TMEM131L: variants seen among roughly 807,000 people sequenced by gnomAD.
TMEM131L encodes transmembrane 131 like.
Under a neutral mutation model 192.2 loss-of-function variants are expected in TMEM131L, and 54 were observed. The ratio of observed to expected loss-of-function variants is 0.28; its 90% CI spans 0.23 to 0.35. The LOEUF (loss-of-function observed/expected upper bound fraction) is 0.35, where lower values mean the gene tolerates loss of function less well. Ranked by LOEUF, TMEM131L falls within the 10% of genes least tolerant of loss-of-function variation. TMEM131L has a pLI of 1.00. For missense variants in TMEM131L, 1,888 were observed against 1,972.9 expected, an observed-to-expected ratio of 0.96 and a Z score of 0.82; for synonymous variants, 701 against 704.9, an observed-to-expected ratio of 0.99 and a Z score of 0.09.
At chr4:153,525,892 CTG>C (rs1471613880) in intron 3 of TMEM131L, among the ~76,000 whole-genome samples, 1 of 151,688 alleles carries the variant, frequency 6.6e-6, no homozygotes, top group Non-Finnish European at 1.5e-5. Flanking sequence ...GAGTCTCGCT[CTG>C]TCGCCAGGCT....
intron 3 of TMEM131L, among the ~76,000 whole-genome samples, chr4:153,538,157 G>A (rs942845526): frequency 1.3e-5 from 2 of 152,224 alleles, no homozygotes; most frequent in Non-Finnish European, 2.9e-5. Context: ...GTAAATGGCA[G>A]TGGTTCTTAT....
In TMEM131L at chr4:153,636,387, T is replaced by G. The variant is rs760320148; in HGVS notation, c.4644T>G (p.Asn1548Lys). Residue 1548 changes from asparagine to lysine, a missense_variant, in exon 35 of 35, where the codon AAT becomes AAG. Coordinates refer to ENST00000409959, the MANE Select transcript of TMEM131L (RefSeq NM_001131007.2). The part of the protein sequence containing the change: ...IWAPQSDVYE[N>K]CCPINPTTEH... ...CCCCGCAAAGCGATGTGTATGAAAA[T>G]TGCTGCCCCATCAACCCCACCACGG... The G allele has an allele frequency of 5.0e-6, 8 of 1,614,126 alleles. No individual in the cohort carries two copies. Among genetic ancestry groups the G allele is most frequent in the African/African-American group, 4.0e-5 (3 of 75,022 alleles).
intron 17 of TMEM131L, among the ~76,000 whole-genome samples, chr4:153,591,839 G>A (rs1731089941): frequency 6.6e-6 from 1 of 152,108 alleles, no homozygotes; most frequent in Non-Finnish European, 1.5e-5. Flanking sequence ...TTCAAGAGTA[G>A]TATATCAGGA....
At position 153,598,597 on chromosome 4, in the gene TMEM131L, T is replaced by C; in HGVS notation, c.2131T>C (p.Leu711=). Residue 711 remains leucine (L), a synonymous_variant, in exon 21 of 35, where the codon TTG becomes CTG. Transcript: ENST00000409959. ...TATTTCCTTTCACTACAGGAATAAC[T>C]TGACTGTTATTGACATGATTGGCGT... ...VTSLILIRNN[L]TVIDMIGVEG... is the part of the protein sequence containing the mutation. 1 of 1,613,306 alleles carries C rather than the reference T, an allele frequency of 6.2e-7. No homozygotes were observed. Among genetic ancestry groups the C allele is most frequent in the Non-Finnish European group, 8.5e-7 (1 of 1,179,300 alleles).
intron 7 of TMEM131L, among the ~76,000 whole-genome samples, chr4:153,579,170 G>C (rs1730167328): frequency 1.3e-5 from 2 of 151,866 alleles, no homozygotes; most frequent in Admixed American, 1.3e-4. Context: ...AAACCAGCCT[G>C]GGAAATATGG....
intron 7 of TMEM131L, among the ~76,000 whole-genome samples, chr4:153,559,478 T>C (rs1728706181): frequency 6.6e-6 from 1 of 151,998 alleles, no homozygotes; most frequent in East Asian, 1.9e-4. Flanking sequence ...GATCTAAATA[T>C]TGGAATAGAG....
intron 3 of TMEM131L, among the ~76,000 whole-genome samples, chr4:153,520,832 C>T (rs939429600): frequency 1.2e-4 from 19 of 152,154 alleles, no homozygotes; most frequent in African/African-American, 3.1e-4. Flanking sequence ...TAAAGTACGT[C>T]GTGTTTAGAA....
intron 25 of TMEM131L, among the ~76,000 whole-genome samples, chr4:153,607,720 TC>T (rs917288440): frequency 1.2e-4 from 19 of 152,228 alleles, no homozygotes; most frequent in African/African-American, 4.6e-4. Context: ...TTCTGAGGCT[TC>T]CCCCCACCCC....
At chr4:153,473,426 G>A (rs1278949627) in intron 2 of TMEM131L, among the ~76,000 whole-genome samples, 2 of 152,200 alleles carry the variant, frequency 1.3e-5, no homozygotes, top group Non-Finnish European at 2.9e-5. Flanking sequence ...GGTAGGAACT[G>A]GGTTTCCCGT....
intron 34 of TMEM131L, 70 bp downstream of exon 34, chr4:153,635,641 C>T: frequency 1.3e-6 from 2 of 1,556,908 alleles, no homozygotes; most frequent in South Asian, 2.3e-5. Flanking sequence ...TTCCTTAATC[C>T]TGGTCTCAGC....
At chr4:153,524,541 T>TATA (rs1368208755) in intron 3 of TMEM131L, among the ~76,000 whole-genome samples, 1 of 152,224 alleles carries the variant, frequency 6.6e-6, no homozygotes, top group African/African-American at 2.4e-5. Flanking sequence ...GAAGACAGTT[T>TATA]ATACAATAAT....
intron 24 of TMEM131L, 69 bp from the exon 25 acceptor site, chr4:153,603,733 T>C: frequency 6.8e-7 from 1 of 1,463,804 alleles, no homozygotes; most frequent in Non-Finnish European, 9.2e-7. Flanking sequence ...TTCTCATGGA[T>C]ATGGAAGCAG....
Position 153,603,825 on chromosome 4 carries a change from A to G in TMEM131L, c.2813A>G (p.Asp938Gly), listed in dbSNP as rs761039422. 1 of 1,585,264 alleles carries G rather than the reference A, an allele frequency of 6.3e-7. No homozygotes were observed. Among genetic ancestry groups the G allele is most frequent in the South Asian group, 1.2e-5 (1 of 86,234 alleles). The stretch of plus-strand genomic sequence containing the variant: ...AGAAGCAATTGCAAGAACTTTCTCG[A>G]TACATATGGCCCCTCTGATAAAGGC... ...SYKSNCKNFL[D>G]TYGPSDKGRG... The change falls in exon 25 of 35, where the codon GAT becomes GGT. Residue 938 changes from aspartate (D) to glycine (G), a missense_variant. By Grantham distance (94) the Asp-to-Gly change is moderately conservative. Coordinates refer to ENST00000409959, the MANE Select transcript of TMEM131L (RefSeq NM_001131007.2).
intron 3 of TMEM131L, among the ~76,000 whole-genome samples, chr4:153,489,070 G>A (rs1732577155): frequency 6.6e-6 from 1 of 152,184 alleles, no homozygotes; most frequent in Non-Finnish European, 1.5e-5. Flanking sequence ...TGAGGTACTG[G>A]GGTTAGGACT....
chr4:153,561,289 G>C (rs1728830802), intron 7 of TMEM131L, among the ~76,000 whole-genome samples: 1 of 152,086 alleles, frequency 6.6e-6, no homozygotes, highest in Admixed American at 6.6e-5. Context: ...ACCTTTATCA[G>C]GTACATGGTT....
At chr4:153,494,782 C>T (rs771128664) in intron 3 of TMEM131L, among the ~76,000 whole-genome samples, 34 of 152,296 alleles carry the variant, frequency 2.2e-4, no homozygotes, top group Non-Finnish European at 4.3e-4. Context: ...CTTTAGCTAA[C>T]AGCTCTCCGT....
chr4:153,541,587 G>T (rs1378426707), intron 3 of TMEM131L, among the ~76,000 whole-genome samples: 3 of 152,208 alleles, frequency 2.0e-5, no homozygotes, highest in Non-Finnish European at 4.4e-5. Flanking sequence ...ACGGGATGAG[G>T]CCTGGTACAG....
chr4:153,504,226 C>T, intron 3 of TMEM131L, among the ~76,000 whole-genome samples: 1 of 149,336 alleles, frequency 6.7e-6, no homozygotes, highest in Non-Finnish European at 1.5e-5. Flanking sequence ...CTCGGCCTCC[C>T]AAAGTGCTGG....
chr4:153,525,745 A>T (rs566725875), intron 3 of TMEM131L, among the ~76,000 whole-genome samples: 3 of 152,180 alleles, frequency 2.0e-5, no homozygotes, highest in Non-Finnish European at 4.4e-5. Context: ...TCTCTGTATC[A>T]GTGTTTTTCA....
Sources: allele counts gnomAD v4.1 joint callset (sites outside exome capture counted in the v4.1 genomes callset), GRCh38; gene constraint gnomAD v4.1.1; transcripts MANE v1.5; gene names NCBI Gene and HGNC (gene_info 2026-07-23, HGNC 2026-07-21).